The following KDM4B variants were observed in gnomAD, a reference collection of about 807,000 sequenced individuals.
The protein encoded by KDM4B is lysine demethylase 4B.
KDM4B carries 32 observed loss-of-function variants against 125.2 expected under a neutral mutation model. The ratio of observed to expected loss-of-function variants is 0.26; its 90% CI spans 0.19 to 0.34. The LOEUF is 0.34. Among genes scored for constraint, KDM4B ranks in the 10% least tolerant of loss-of-function variants. The probability of loss-of-function intolerance (pLI) is 1.00; values close to 1 mark genes in which losing one functional copy is unlikely to be tolerated. For missense variants in KDM4B, 1,190 were observed against 1,577.7 expected, an observed-to-expected ratio of 0.75 and a Z score of 4.16; for synonymous variants, 721 against 677.9, an observed-to-expected ratio of 1.06 and a Z score of -0.99.
rs1359086471 is a variant in KDM4B, at chr19:5,114,047, A to G, written c.1115+3229A>G. 1.6e-6 allele frequency: 2 copies of G among 1,287,308 alleles called. No individual in the cohort carries two copies. Among genetic ancestry groups the G allele is most frequent in the Admixed American group, 2.3e-5 (1 of 43,302 alleles). The allele number at this position is 1,287,308 out of a possible 1,614,324, so 79.7% of individuals were successfully genotyped here. On this transcript the variant is annotated intron_variant, in intron 10 of 22. Transcript: ENST00000159111. This position sits in a 1 kb window ranked among gnomAD's most constrained non-coding sequence, Gnocchi z 5.8. ...CTTCCCCCTGATGGATGGGTCGCCTAAAACTGCAGCCTGGCTCCTGGCGGG... is the reference window on the plus strand; with the variant it reads ...CTTCCCCCTGATGGATGGGTCGCCTGAAACTGCAGCCTGGCTCCTGGCGGG...
At chr19:5,095,337 T>C (rs1288789266) in intron 9 of KDM4B, among the ~76,000 whole-genome samples, 3 of 152,224 alleles carry the variant, frequency 2.0e-5, no homozygotes, top group East Asian at 1.9e-4. Context: ...ATTTTCTCAT[T>C]AGGCCGGTGG....
intron 9 of KDM4B, among the ~76,000 whole-genome samples, chr19:5,095,830 G>T (rs1016721039): frequency 2.6e-5 from 4 of 152,250 alleles, no homozygotes; most frequent in African/African-American, 9.6e-5. Flanking sequence ...AGGCTTGAGT[G>T]TGTGCAGCAC....
intron 1 of KDM4B, among the ~76,000 whole-genome samples, chr19:4,969,703 C>T (rs2034181155): frequency 6.6e-6 from 1 of 151,868 alleles, no homozygotes; most frequent in Admixed American, 6.6e-5. Flanking sequence ...CGTTTCTGGC[C>T]CTTTGGGCGC....
chr19:5,105,080 C>G (rs1317433989), intron 9 of KDM4B, among the ~76,000 whole-genome samples: 1 of 152,198 alleles, frequency 6.6e-6, no homozygotes, highest in Non-Finnish European at 1.5e-5. Flanking sequence ...GCCCCGCTCC[C>G]TGAGCTGCCC....
At chr19:5,034,479 C>T (rs921292767) in intron 3 of KDM4B, among the ~76,000 whole-genome samples, 1 of 152,234 alleles carries the variant, frequency 6.6e-6, no homozygotes, top group Non-Finnish European at 1.5e-5. Flanking sequence ...GGAGGGCAAA[C>T]GCGTATTGTT....
chr19:4,985,883 C>T (rs2034811957), intron 1 of KDM4B, among the ~76,000 whole-genome samples: 1 of 152,232 alleles, frequency 6.6e-6, no homozygotes, highest in African/African-American at 2.4e-5. Flanking sequence ...GTGTGTGTCT[C>T]AGGAAGCCTC....
chr19:5,087,394 A>G (rs1299650622), intron 9 of KDM4B, among the ~76,000 whole-genome samples: 1 of 152,126 alleles, frequency 6.6e-6, no homozygotes, highest in Non-Finnish European at 1.5e-5. Flanking sequence ...CTCATCCCCT[A>G]TGAAACCTGG....
At chr19:4,974,979 C>T (rs2034395935) in intron 1 of KDM4B, among the ~76,000 whole-genome samples, 1 of 152,120 alleles carries the variant, frequency 6.6e-6, no homozygotes, top group South Asian at 2.1e-4. Flanking sequence ...CCGCCCTTCC[C>T]TGCCGCAGGA....
intron 7 of KDM4B, chr19:5,077,151 C>T: frequency 1.7e-6 from 1 of 588,822 alleles, no homozygotes. Context: ...GCAGAGCTCA[C>T]AGCAGGGCAC....
rs2039736556 is a variant in KDM4B, at chr19:5,141,227, CGTGGA to C, written c.2551-2731_2551-2727del. 1 of 152,136 alleles carries C rather than the reference CGTGGA, an allele frequency of 6.6e-6. No homozygotes were observed. The highest frequency in any genetic ancestry group is 1.5e-5 in the Non-Finnish European group (1 of 68,026). 9.4% of individuals were successfully genotyped at this position (152,136 alleles called of 1,614,324 possible). A position where few individuals can be genotyped will look rare whatever the true frequency, so the allele number is the denominator to read the frequency against. ...GGAAGGGGAGCCCTCTTTCCTTGTT[CGTGGA>C]GTGGAGTGTGCAGTGGGTCACGCCG... On this transcript the variant is annotated intron_variant, in intron 18 of 22. Transcript: ENST00000159111. This position sits in a 1 kb window ranked among gnomAD's most constrained non-coding sequence, Gnocchi z 6.4.
chr19:5,096,257 G>A (rs987346401), intron 9 of KDM4B, among the ~76,000 whole-genome samples: 3 of 152,000 alleles, frequency 2.0e-5, no homozygotes, highest in Admixed American at 2.0e-4. Flanking sequence ...GCTAATTTTT[G>A]TATTTTTAGT....
At chr19:5,021,137 G>T in intron 2 of KDM4B, among the ~76,000 whole-genome samples, 1 of 95,756 alleles carries the variant, frequency 1.0e-5, no homozygotes, top group African/African-American at 4.8e-5. Flanking sequence ...GAGTGAAACT[G>T]TCTCAAAAAA....
chr19:5,111,634 C>T, intron 10 of KDM4B: 1 of 700,208 alleles, frequency 1.4e-6, no homozygotes, highest in Non-Finnish European at 2.6e-6. Flanking sequence ...CGACAGATCT[C>T]ACTCCTGTTT....
chr19:5,077,678 CG>C (rs1568280385), intron 8 of KDM4B: 1 of 554,108 alleles, frequency 1.8e-6, no homozygotes, highest in African/African-American at 1.9e-5. Flanking sequence ...TTGAATCTGG[CG>C]GGGTGTTAAC....
intron 6 of KDM4B, among the ~76,000 whole-genome samples, chr19:5,057,132 C>T (rs1453238225): frequency 3.3e-5 from 5 of 151,862 alleles, no homozygotes; most frequent in African/African-American, 2.4e-5. Flanking sequence ...TGTCAGGACA[C>T]GGCCCCCACC....
In KDM4B at chr19:5,047,639, A is replaced by G; in HGVS notation, c.596A>G (p.Asn199Ser). The change falls in exon 6 of 23, where the codon AAC becomes AGC. Residue 199 changes from asparagine (N) to serine (S), a missense_variant. Physicochemically the swap from Asn to Ser is conservative, Grantham distance 46. Coordinates refer to ENST00000159111, the MANE Select transcript of KDM4B (RefSeq NM_015015.3). The part of the protein sequence containing the change: ...HTEDMDLYSI[N>S]YLHFGEPKSW... ...GAGGACATGGACCTGTACAGCATCAACTACCTGCACTTTGGGGAGCCTAAG... is the reference window on the plus strand; with the variant it reads ...GAGGACATGGACCTGTACAGCATCAGCTACCTGCACTTTGGGGAGCCTAAG... The G allele has an allele frequency of 6.2e-7, 1 of 1,613,892 alleles. No individual in the cohort carries two copies. Among genetic ancestry groups the G allele is most frequent in the Non-Finnish European group, 8.5e-7 (1 of 1,179,842 alleles).
intron 6 of KDM4B, among the ~76,000 whole-genome samples, chr19:5,063,400 C>T (rs1298020438): frequency 1.3e-5 from 2 of 152,152 alleles, no homozygotes; most frequent in Non-Finnish European, 2.9e-5. Context: ...AAAACGAGCT[C>T]AGTAACGTCA....
At chr19:5,119,360 G>T in intron 10 of KDM4B, 2 of 671,082 alleles carry the variant, frequency 3.0e-6, no homozygotes. Flanking sequence ...CCCACCTGGT[G>T]TCAGTCGGCT....
rs2039808094 is a variant in KDM4B, at chr19:5,144,545, A to G, written c.2901+133A>G. ...GAGTGGCCTGACTCCAGATCCCTTCATGGGGTCCCCTTGTCCTCAGGGCCC... is the reference window on the plus strand; with the variant it reads ...GAGTGGCCTGACTCCAGATCCCTTCGTGGGGTCCCCTTGTCCTCAGGGCCC... On this transcript the variant is annotated intron_variant, in intron 20 of 22. Coordinates refer to ENST00000159111, the MANE Select transcript of KDM4B (RefSeq NM_015015.3). 13 of 896,150 alleles carry G rather than the reference A, an allele frequency of 1.5e-5. No individual in the cohort carries two copies. In the South Asian group the frequency reaches 2.6e-4, roughly 18 times the overall value. 55.5% of individuals were successfully genotyped at this position (896,150 alleles called of 1,614,324 possible). A position where few individuals can be genotyped will look rare whatever the true frequency, so the allele number is the denominator to read the frequency against.
Sources: allele counts gnomAD v4.1 joint callset (sites outside exome capture counted in the v4.1 genomes callset), GRCh38; gene constraint gnomAD v4.1.1; non-coding constraint Gnocchi (gnomAD v3.1); transcripts MANE v1.5; gene names NCBI Gene and HGNC (gene_info 2026-07-23, HGNC 2026-07-21).